SFMBT2: variants seen among roughly 807,000 people sequenced by gnomAD.
The protein encoded by SFMBT2 is Scm like with four mbt domains 2.
In SFMBT2, 38 loss-of-function variants were observed where a neutral mutation model predicts 110.1. The observed-to-expected ratio is 0.35, with a 90% CI of 0.27 to 0.45. The LOEUF (loss-of-function observed/expected upper bound fraction) is 0.45. Among genes scored for constraint, SFMBT2 ranks in the 20% least tolerant of loss-of-function variants. SFMBT2 has a pLI of 1.00. For missense variants in SFMBT2, 1,011 were observed against 1,094.9 expected (o/e 0.92, Z 1.08); for synonymous variants, 425 against 425.4 (o/e 1.00, Z 0.01).
chr10:7,241,425 T>G, intron 9 of SFMBT2: 1 of 730,384 alleles, frequency 1.4e-6, no homozygotes, highest in Non-Finnish European at 1.7e-6. Flanking sequence ...TATTTGCATA[T>G]AATATCCATG....
At chr10:7,327,090 T>C (rs1445796351) in intron 4 of SFMBT2, among the ~76,000 whole-genome samples, 1 of 147,544 alleles carries the variant, frequency 6.8e-6, no homozygotes, top group Non-Finnish European at 1.5e-5. Context: ...TTCATGTCAC[T>C]CTAATTTGGG....
chr10:7,344,252 T>C (rs1844029293), intron 4 of SFMBT2, among the ~76,000 whole-genome samples: 1 of 152,222 alleles, frequency 6.6e-6, no homozygotes, highest in South Asian at 2.1e-4. Flanking sequence ...CTGATATGGT[T>C]TGGCTGTGTC....
chr10:7,225,265 T>C (rs1344912861), intron 10 of SFMBT2, among the ~76,000 whole-genome samples: 1 of 152,224 alleles, frequency 6.6e-6, no homozygotes, highest in Non-Finnish European at 1.5e-5. Flanking sequence ...AACTGTTACC[T>C]GTGAGTTTAT....
At chr10:7,317,014 T>C (rs7919925) in intron 4 of SFMBT2, among the ~76,000 whole-genome samples, 150,617 of 152,310 alleles carry the variant, frequency 0.99, 74,475 homozygotes, top group Middle Eastern at 1. Flanking sequence ...AGCTCACAAC[T>C]GTGTACTAAA....
At chr10:7,306,207 A>G (rs1842689085) in intron 4 of SFMBT2, among the ~76,000 whole-genome samples, 1 of 152,260 alleles carries the variant, frequency 6.6e-6, no homozygotes, top group Non-Finnish European at 1.5e-5. Context: ...GCACACACAG[A>G]GTGCTCTCCG....
At chr10:7,280,451 G>C (rs1841918788) in intron 6 of SFMBT2, among the ~76,000 whole-genome samples, 1 of 152,156 alleles carries the variant, frequency 6.6e-6, no homozygotes, top group South Asian at 2.1e-4. Flanking sequence ...TCTAGAAATA[G>C]AGAAAGAAAA....
At chr10:7,220,361 G>A (rs373179288) in intron 11 of SFMBT2, 50 bp downstream of exon 11, 15 of 1,572,400 alleles carry the variant, frequency 9.5e-6, no homozygotes, top group Admixed American at 3.5e-5. Context: ...TTGCCATTTC[G>A]ACAAACTCTA....
At position 7,164,506 on chromosome 10, in the gene SFMBT2, G is replaced by A. The variant is rs77528054; in HGVS notation, c.2545-596C>T. ...AGAGCTGGAACAGGTGGGTTGCTGC[G>A]GGAATTGCTTCCCAAGCTTATCGCC... On this transcript the variant is annotated intron_variant, in intron 20 of 20. Coordinates refer to ENST00000397167, the MANE Select transcript of SFMBT2 (RefSeq NM_001387889.1). 2.4e-3 allele frequency: 2,245 copies of A among 934,656 alleles called. 41 individuals carry two copies. In the African/African-American group the frequency reaches 0.035, roughly 14 times the overall value. 57.9% of individuals were successfully genotyped at this position (934,656 alleles called of 1,614,324 possible). A position where few individuals can be genotyped will look rare whatever the true frequency, so the allele number is the denominator to read the frequency against.
At chr10:7,203,137 A>T (rs1839013238) in intron 12 of SFMBT2, 1 of 973,592 alleles carries the variant, frequency 1.0e-6, no homozygotes, top group African/African-American at 1.8e-5. Flanking sequence ...ACTTTGGCTC[A>T]GATAATCCTA....
At chr10:7,259,376 G>C (rs1588392617) in intron 7 of SFMBT2, among the ~76,000 whole-genome samples, 1 of 152,202 alleles carries the variant, frequency 6.6e-6, no homozygotes, top group Non-Finnish European at 1.5e-5. Flanking sequence ...TCACACCCCA[G>C]CTGCCCTCGG....
At chr10:7,164,845 T>C (rs540794428) in intron 20 of SFMBT2, among the ~76,000 whole-genome samples, 14 of 151,494 alleles carry the variant, frequency 9.2e-5, no homozygotes, top group Admixed American at 2.6e-4. Flanking sequence ...CACAGATCTG[T>C]TGCCCCACTG....
At chr10:7,315,169 T>C (rs376075020) in intron 4 of SFMBT2, among the ~76,000 whole-genome samples, 4 of 152,092 alleles carry the variant, frequency 2.6e-5, no homozygotes, top group African/African-American at 7.2e-5. Flanking sequence ...CACGATCCCC[T>C]GTGAGGGTCC....
At chr10:7,341,761 A>G (rs1843911449) in intron 4 of SFMBT2, among the ~76,000 whole-genome samples, 1 of 152,236 alleles carries the variant, frequency 6.6e-6, no homozygotes, top group African/African-American at 2.4e-5. Flanking sequence ...TAGAGTCTGG[A>G]AAACGAGGGT....
Position 7,160,938 on chromosome 10 carries a change from C to T in SFMBT2, c.*2832G>A, listed in dbSNP as rs532537469. The T allele has an allele frequency of 3.3e-5, 5 of 152,308 alleles. No homozygotes were observed. The highest frequency in any genetic ancestry group is 2.1e-4 in the South Asian group (1 of 4,820). The allele number at this position is 152,308 out of a possible 1,614,324, so 9.4% of individuals were successfully genotyped here. ...ATCTTTCTGGGCTCTCCTCAAGGAC[C>T]GGAGAGATGGCACAGAGACAACTTT... On this transcript the variant is annotated 3_prime_UTR_variant, in exon 21 of 21. Coordinates refer to ENST00000397167, the MANE Select transcript of SFMBT2 (RefSeq NM_001387889.1).
At chr10:7,284,884 C>T (rs1842044318) in intron 5 of SFMBT2, 1 of 152,208 alleles carries the variant, frequency 6.6e-6, no homozygotes, top group Non-Finnish European at 1.5e-5. Flanking sequence ...CATAGTGAGA[C>T]AATTTGTCCT....
chr10:7,243,381 G>A (rs1329415001), intron 9 of SFMBT2, among the ~76,000 whole-genome samples, 177 bp downstream of exon 9: 6 of 152,178 alleles, frequency 3.9e-5, no homozygotes, highest in Admixed American at 2.0e-4. Flanking sequence ...CACTCGCCTC[G>A]CCAGGGGATG....
At chr10:7,221,170 C>T (rs1277623594) in intron 10 of SFMBT2, among the ~76,000 whole-genome samples, 2 of 152,070 alleles carry the variant, frequency 1.3e-5, no homozygotes, top group African/African-American at 2.4e-5. Flanking sequence ...ACCATTTCCT[C>T]CACCTTCCTA....
At chr10:7,353,165 TAAC>T (rs923296835) in intron 4 of SFMBT2, among the ~76,000 whole-genome samples, 3 of 152,180 alleles carry the variant, frequency 2.0e-5, no homozygotes, top group African/African-American at 7.2e-5. Context: ...AAATGCTTAA[TAAC>T]AACCGTATCA....
chr10:7,220,585 A>G, intron 10 of SFMBT2, 48 bp from the exon 11 acceptor site: 1 of 1,609,836 alleles, frequency 6.2e-7, no homozygotes, highest in East Asian at 2.2e-5. Flanking sequence ...ACGCAGCAGG[A>G]CAAAGCTGGG....
Sources: gnomAD v4.1 joint callset for allele counts (sites outside exome capture counted in the v4.1 genomes callset) on GRCh38, gnomAD v4.1.1 for gene constraint, MANE v1.5 for transcripts, NCBI Gene and HGNC (gene_info 2026-07-23, HGNC 2026-07-21) for gene names.